Variants in FBXL5 observed in about 807,000 individuals in gnomAD.
FBXL5 encodes the protein F-box and leucine rich repeat protein 5, also known as F-box/LRR-repeat protein 5.
In FBXL5, 26 loss-of-function variants were observed where a neutral mutation model predicts 78.3. That is an observed-to-expected ratio of 0.33 (90% CI 0.24 to 0.46). The LOEUF is 0.46. Among genes scored for constraint, FBXL5 ranks in the 20% least tolerant of loss-of-function variants. The pLI, the probability that FBXL5 is intolerant of heterozygous loss-of-function variation, is 1.00. For missense variants in FBXL5, 710 were observed against 829.2 expected (o/e 0.86, Z 1.77); for synonymous variants, 295 against 282.5 (o/e 1.04, Z -0.45).
intron 1 of FBXL5, among the ~76,000 whole-genome samples, chr4:15,665,866 C>G (rs1436154482): frequency 6.6e-6 from 1 of 152,140 alleles, no homozygotes; most frequent in Non-Finnish European, 1.5e-5. Context: ...GTACCTGCAC[C>G]TGTTCTGACA....
chr4:15,657,828 G>A (rs901197255), upstream of FBXL5, among the ~76,000 whole-genome samples: 1 of 152,200 alleles, frequency 6.6e-6, no homozygotes, highest in Non-Finnish European at 1.5e-5. Context: ...TGCAACTACA[G>A]CAGATTTGGG....
intron 2 of FBXL5, among the ~76,000 whole-genome samples, chr4:15,643,200 T>C: frequency 6.6e-6 from 1 of 152,236 alleles, no homozygotes; most frequent in East Asian, 1.9e-4. Context: ...CTACTAAGTA[T>C]TCTTCCAGAA....
intron 1 of FBXL5, among the ~76,000 whole-genome samples, chr4:15,648,985 T>C (rs1050407862): frequency 6.6e-6 from 1 of 152,016 alleles, no homozygotes; most frequent in Non-Finnish European, 1.5e-5. Context: ...ATATATACAA[T>C]ATTTATTTGT....
chr4:15,675,572 ATTTTTTTTTTTTT>A (rs60660814), intron 1 of FBXL5, among the ~76,000 whole-genome samples: 1 of 96,704 alleles, frequency 1.0e-5, no homozygotes, highest in East Asian at 3.1e-4. Context: ...CAAAACTCCT[ATTTTTTTTTTTTT>A]TTTTTTTTTT....
At chr4:15,613,312 T>A (rs1286358776) in intron 9 of FBXL5, among the ~76,000 whole-genome samples, 2 of 152,148 alleles carry the variant, frequency 1.3e-5, no homozygotes, top group Non-Finnish European at 2.9e-5. Context: ...AATCACTGAA[T>A]TAATCGTATA....
intron 1 of FBXL5, among the ~76,000 whole-genome samples, chr4:15,646,304 T>G (rs529634466): frequency 6.6e-6 from 1 of 152,162 alleles, no homozygotes; most frequent in African/African-American, 2.4e-5. Flanking sequence ...GTAAAAGTGA[T>G]GCTTGGCTCT....
intron 1 of FBXL5, among the ~76,000 whole-genome samples, chr4:15,676,341 G>C (rs1218113573): frequency 1.3e-5 from 2 of 152,080 alleles, no homozygotes; most frequent in East Asian, 3.8e-4. Context: ...AAACATGATA[G>C]AATAGGTTGA....
Position 15,604,815 on chromosome 4 carries a change from G to A in FBXL5, c.*908C>T, listed in dbSNP as rs183153441. On this transcript the variant is annotated 3_prime_UTR_variant, in exon 11 of 11. Transcript: ENST00000341285. Reference sequence around the variant, plus strand: ...AACAAAGCAAAGTAGATATACTTACGGATTCAAATTTTGACTACTGAATAA... The same window carrying A: ...AACAAAGCAAAGTAGATATACTTACAGATTCAAATTTTGACTACTGAATAA... 3 of 152,038 alleles carry A rather than the reference G, an allele frequency of 2.0e-5. 1 individual carries two copies. Among genetic ancestry groups the A allele is most frequent in the South Asian group, 4.2e-4 (2 of 4,802 alleles). 9.4% of individuals were successfully genotyped at this position (152,038 alleles called of 1,614,324 possible). A position where few individuals can be genotyped will look rare whatever the true frequency, so the allele number is the denominator to read the frequency against.
At chr4:15,607,114 TTTCA>T (rs1385464733) in intron 10 of FBXL5, among the ~76,000 whole-genome samples, 3 of 152,186 alleles carry the variant, frequency 2.0e-5, no homozygotes, top group African/African-American at 7.2e-5. Context: ...CAGCTTATGC[TTTCA>T]GTCATATTAA....
At chr4:15,678,596 T>C (rs1184241979) in intron 1 of FBXL5, among the ~76,000 whole-genome samples, 1 of 141,136 alleles carries the variant, frequency 7.1e-6, no homozygotes, top group Non-Finnish European at 1.6e-5. Context: ...ATAACAAGAA[T>C]GCAACAACTT....
At chr4:15,680,128 A>C (rs1252098228) in intron 1 of FBXL5, among the ~76,000 whole-genome samples, 2 of 152,172 alleles carry the variant, frequency 1.3e-5, no homozygotes, top group African/African-American at 4.8e-5. Flanking sequence ...AAAAAAAAAA[A>C]CATGAACAAT....
chr4:15,651,420 G>T (rs887710492), intron 1 of FBXL5, among the ~76,000 whole-genome samples: 2 of 152,122 alleles, frequency 1.3e-5, no homozygotes, highest in East Asian at 3.8e-4. Flanking sequence ...ATAATATTTG[G>T]CTTAAGTAGT....
In FBXL5 at chr4:15,605,602, T is replaced by C; in HGVS notation, c.*121A>G. On this transcript the variant is annotated 3_prime_UTR_variant, in exon 11 of 11. Coordinates refer to ENST00000341285, the MANE Select transcript of FBXL5 (RefSeq NM_012161.4). ...TTAAGATTTCTGAAGTTGTAAGAAA[T>C]GGGGCCAAAACAAGTCACGCTCAAA... 2 of 716,256 alleles carry C rather than the reference T, an allele frequency of 2.8e-6. No homozygotes were observed. Among genetic ancestry groups the C allele is most frequent in the Non-Finnish European group, 4.7e-6 (2 of 421,330 alleles). The allele number at this position is 716,256 out of a possible 1,614,324, so 44.4% of individuals were successfully genotyped here.
rs568948519 is a variant in FBXL5, at chr4:15,665,777, A to C, written c.-283-5855T>G. Among the ~76,000 whole-genome samples the C allele has an allele frequency of 2.0e-5, 3 of 152,330 alleles. No homozygotes were observed. In the East Asian group the frequency reaches 5.8e-4, roughly 29 times the overall value. On this transcript the variant is annotated intron_variant, in intron 1 of 4. Transcript: ENST00000507899. ...CCCCAGTCCAAAATTCTTAAATTTA[A>C]GGGAAAAAAAGAACCCAGTAAAATA...
chr4:15,613,845 GTT>G (rs61224701), intron 9 of FBXL5, among the ~76,000 whole-genome samples: 21 of 151,318 alleles, frequency 1.4e-4, no homozygotes, highest in African/African-American at 4.9e-4. Context: ...TATAACTTTT[GTT>G]TTTTTTTTTA....
chr4:15,678,527 G>A (rs558674666), intron 1 of FBXL5, among the ~76,000 whole-genome samples: 1 of 152,230 alleles, frequency 6.6e-6, no homozygotes, highest in Non-Finnish European at 1.5e-5. Flanking sequence ...TCATGCATAG[G>A]TATACTAAAT....
At chr4:15,610,630 A>G (rs959536899) in intron 10 of FBXL5, among the ~76,000 whole-genome samples, 6 of 152,106 alleles carry the variant, frequency 3.9e-5, no homozygotes, top group African/African-American at 1.4e-4. Flanking sequence ...TTATCCCATC[A>G]TCTAAATTAT....
chr4:15,609,455 C>T (rs897959542), intron 10 of FBXL5, among the ~76,000 whole-genome samples: 3 of 151,850 alleles, frequency 2.0e-5, no homozygotes, highest in African/African-American at 4.8e-5. Context: ...CTGCACTTAC[C>T]TTCACTTACC....
chr4:15,608,219 G>T (rs1334466196), intron 10 of FBXL5, among the ~76,000 whole-genome samples: 2 of 152,060 alleles, frequency 1.3e-5, no homozygotes, highest in Non-Finnish European at 2.9e-5. Context: ...GGAAGCAATG[G>T]AAGTGAAGTA....
Sources: gnomAD v4.1 joint callset for allele counts (sites outside exome capture counted in the v4.1 genomes callset) on GRCh38, gnomAD v4.1.1 for gene constraint, MANE v1.5 for transcripts, NCBI Gene and HGNC (gene_info 2026-07-23, HGNC 2026-07-21) for gene names.